The following SPI1 variants were observed in gnomAD, a reference collection of about 807,000 sequenced individuals.
The protein encoded by SPI1 is Spi-1 proto-oncogene.
In SPI1, 3 loss-of-function variants were observed where a neutral mutation model predicts 30.7. The ratio of observed to expected loss-of-function variants is 0.10; its 90% CI spans 0.04 to 0.25. The LOEUF (loss-of-function observed/expected upper bound fraction) is 0.25. Among genes scored for constraint, SPI1 ranks in the 10% least tolerant of loss-of-function variants. The probability of loss-of-function intolerance (pLI) is 1.00; values close to 1 mark genes in which losing one functional copy is unlikely to be tolerated. For missense variants in SPI1, 261 were observed against 371.5 expected (o/e 0.70, Z 2.45); for synonymous variants, 169 against 157.1 (o/e 1.08, Z -0.56).
chr11:47,358,977 C>T lies in SPI1; in HGVS notation c.360G>A (p.Gln120=). 4 of 1,538,062 alleles carry T rather than the reference C, an allele frequency of 2.6e-6. No homozygotes were observed. The highest frequency in any genetic ancestry group is 3.5e-6 in the Non-Finnish European group (4 of 1,143,036). The change falls in exon 4 of 5, where the codon CAG becomes CAA. Residue 120 remains glutamine, a synonymous_variant. Transcript: ENST00000378538. ...QVSYLPRMCL[Q]YPSLSPAQPS... Reference sequence around the variant, plus strand: ...GCTGGGCTGGGGACAGGGATGGGTACTGGAGGCACATCCGGGGCAGGTAGG... The same window carrying T: ...GCTGGGCTGGGGACAGGGATGGGTATTGGAGGCACATCCGGGGCAGGTAGG...
At chr11:47,368,542 C>G (rs899702695) in intron 2 of SPI1, among the ~76,000 whole-genome samples, 1 of 152,186 alleles carries the variant, frequency 6.6e-6, no homozygotes, top group Non-Finnish European at 1.5e-5. Context: ...GTGGCACATG[C>G]GCAAAACGTG....
chr11:47,366,887 G>A (rs1002816271), intron 2 of SPI1, among the ~76,000 whole-genome samples: 13 of 151,618 alleles, frequency 8.6e-5, no homozygotes, highest in South Asian at 2.1e-4. Context: ...TGAAGGTTTC[G>A]GGGCACTTGT....
intron 2 of SPI1, among the ~76,000 whole-genome samples, chr11:47,363,945 A>G (rs1261318526): frequency 1.6e-5 from 2 of 125,050 alleles, no homozygotes; most frequent in African/African-American, 6.2e-5. Context: ...CCTGGGCAAT[A>G]GAGCCAGACT....
chr11:47,375,616 G>A lies in SPI1; in HGVS notation c.142+17C>T, dbSNP rs374709586. ...GGCTGGGCTGGGGGATGGGGGCGTGGCAGGCCCCGTACTCACCGCTATGGC... is the reference window on the plus strand; with the variant it reads ...GGCTGGGCTGGGGGATGGGGGCGTGACAGGCCCCGTACTCACCGCTATGGC... On this transcript the variant is annotated intron_variant, in intron 2 of 4. Coordinates refer to ENST00000378538, the MANE Select transcript of SPI1 (RefSeq NM_003120.3). This position sits in a 1 kb window ranked among gnomAD's most constrained non-coding sequence, Gnocchi z 4.2. The A allele has an allele frequency of 3.1e-6, 5 of 1,600,104 alleles. No homozygotes were observed. Among genetic ancestry groups the A allele is most frequent in the East Asian group, 2.2e-5 (1 of 44,802 alleles).
chr11:47,359,133 T>C lies in SPI1; in HGVS notation c.331-127A>G. On this transcript the variant is annotated intron_variant, in intron 3 of 4. Transcript: ENST00000378538. This position sits in a 1 kb window ranked among gnomAD's most constrained non-coding sequence, Gnocchi z 5.1. Reference sequence around the variant, plus strand: ...GGGGACAATGGCAGGCACAGGAGACTGGAGGAAGAAGACCAGGGAAAAGGG... The same window carrying C: ...GGGGACAATGGCAGGCACAGGAGACCGGAGGAAGAAGACCAGGGAAAAGGG... The C allele has an allele frequency of 1.5e-6, 1 of 648,960 alleles. No individual in the cohort carries two copies. The highest frequency in any genetic ancestry group is 2.2e-5 in the South Asian group (1 of 45,168). The allele number at this position is 648,960 out of a possible 1,614,324, so 40.2% of individuals were successfully genotyped here.
rs1436543048 is a variant in SPI1, at chr11:47,359,984, C to T, written c.199G>A (p.Glu67Lys). 4 of 1,606,432 alleles carry T rather than the reference C, an allele frequency of 2.5e-6. No homozygotes were observed. Among genetic ancestry groups the T allele is most frequent in the Admixed American group, 1.7e-5 (1 of 59,440 alleles). Reference sequence around the variant, plus strand: ...CTCTGGAGCTCCGTGAAGTTGTTCTCGGCGAAGCTCTCGAACTCGCTGTGC... The same window carrying T: ...CTCTGGAGCTCCGTGAAGTTGTTCTTGGCGAAGCTCTCGAACTCGCTGTGC... ...HVHSEFESFA[E>K]NNFTELQSVQ... Residue 67 changes from glutamate to lysine, a missense_variant, in exon 3 of 5, where the codon GAG becomes AAG. Around this residue, in one of 5 missense-constraint regions of SPI1, gnomAD observed 78 missense variants for 93.2 expected, o/e 0.84. Transcript: ENST00000378538. This position sits in a 1 kb window ranked among gnomAD's most constrained non-coding sequence, Gnocchi z 5.1.
At position 47,376,968 on chromosome 11, in the gene SPI1, AGACAGT is replaced by A. The variant is rs149739130; in HGVS notation, c.46-1245_46-1240del. ...TCAGAATTGAGAGGTCAGGGATCAG[AGACAGT>A]GGGCCTGTGGCTTTCTTGAGGCAGA... is the stretch of plus-strand genomic sequence containing the variant. On this transcript the variant is annotated intron_variant, in intron 1 of 4. Coordinates refer to ENST00000378538, the MANE Select transcript of SPI1 (RefSeq NM_003120.3). 6.0e-3 allele frequency among the ~76,000 whole-genome samples: 907 copies of A among 152,298 alleles called. 10 individuals carry two copies. The highest frequency in any genetic ancestry group is 0.021 in the African/African-American group (871 of 41,560).
chr11:47,356,196 C>T (rs922258609), intron 4 of SPI1, among the ~76,000 whole-genome samples: 22 of 151,626 alleles, frequency 1.5e-4, no homozygotes, highest in Non-Finnish European at 2.9e-4. Context: ...ACACAATGCA[C>T]CAGCTCACAC....
intron 2 of SPI1, among the ~76,000 whole-genome samples, chr11:47,368,312 C>T (rs1015825446): frequency 2.1e-4 from 32 of 152,264 alleles, no homozygotes; most frequent in African/African-American, 7.2e-4. Context: ...TTGCAGTCAG[C>T]TGAGATCGTA....
rs562718862 is a variant in SPI1 at position 47,374,813 on chromosome 11, C to T, written c.142+820G>A. 5.4e-4 allele frequency among the ~76,000 whole-genome samples: 83 copies of T among 152,358 alleles called. No individual in the cohort carries two copies. Among genetic ancestry groups the T allele is most frequent in the African/African-American group, 1.6e-3 (65 of 41,588 alleles). ...CCCATCCCCTGAATTTGCTCCAGGACGGAGGCTGGGCTATGGGGCAGACAG... is the reference window on the plus strand; with the variant it reads ...CCCATCCCCTGAATTTGCTCCAGGATGGAGGCTGGGCTATGGGGCAGACAG... On this transcript the variant is annotated intron_variant, in intron 2 of 4. Transcript: ENST00000378538. This position sits in a 1 kb window ranked among gnomAD's most constrained non-coding sequence, Gnocchi z 4.5.
chr11:47,356,853 C>A (rs986680073), intron 4 of SPI1, among the ~76,000 whole-genome samples: 7 of 151,504 alleles, frequency 4.6e-5, no homozygotes, highest in East Asian at 1.9e-4. Flanking sequence ...CACGCACACA[C>A]CTGCTCACAC....
At chr11:47,367,945 G>C (rs2095930764) in intron 2 of SPI1, among the ~76,000 whole-genome samples, 1 of 151,878 alleles carries the variant, frequency 6.6e-6, no homozygotes, top group African/African-American at 2.4e-5. Flanking sequence ...TTTTAGTAGA[G>C]ATGGGGTTTC....
Position 47,358,928 on chromosome 11 carries a change from C to T in SPI1, c.409G>A (p.Glu137Lys), listed in dbSNP as rs757210500. ...ACCTCCAGTGGGGGGCTCTGCCGCT[C>T]GCCCTCCTCCTCATCTGAGCTGGGC... ...AQPSSDEEEG[E>K]RQSPPLEVSD... is the part of the protein sequence containing the mutation. Residue 137 changes from glutamate to lysine, a missense_variant, in exon 4 of 5, where the codon GAG (glutamate) becomes AAG (lysine). This residue lies in a region of SPI1 where 106 missense variants were observed against 102.0 expected (regional missense o/e 1.04). Coordinates refer to ENST00000378538, the MANE Select transcript of SPI1 (RefSeq NM_003120.3). 2.6e-5 allele frequency: 41 copies of T among 1,563,980 alleles called. No homozygotes were observed. The East Asian group carries it at 3.0e-4, about 11-fold the overall frequency.
intron 4 of SPI1, among the ~76,000 whole-genome samples, chr11:47,355,834 C>T (rs1265142708): frequency 6.8e-6 from 1 of 146,642 alleles, no homozygotes; most frequent in Non-Finnish European, 1.5e-5. Flanking sequence ...CACATGCTCA[C>T]ATCCACATAA....
At chr11:47,358,681 G>A in intron 4 of SPI1, 163 bp downstream of exon 4, 1 of 755,968 alleles carries the variant, frequency 1.3e-6, no homozygotes, top group Admixed American at 2.0e-5. Context: ...CACACACAGA[G>A]ACAGCCACAG....
At chr11:47,360,884 G>A (rs1311130533) in intron 2 of SPI1, among the ~76,000 whole-genome samples, 2 of 151,028 alleles carry the variant, frequency 1.3e-5, no homozygotes, top group Non-Finnish European at 2.9e-5. Context: ...CACTTTGGGA[G>A]GCCGAGGTGG....
intron 2 of SPI1, among the ~76,000 whole-genome samples, chr11:47,363,230 G>A (rs1264613322): frequency 6.6e-6 from 1 of 152,174 alleles, no homozygotes; most frequent in African/African-American, 2.4e-5. Context: ...AAATAAAAAT[G>A]TCTTTCTAGG....
At chr11:47,361,100 G>A (rs1018575593) in intron 2 of SPI1, among the ~76,000 whole-genome samples, 19 of 152,050 alleles carry the variant, frequency 1.2e-4, no homozygotes, top group African/African-American at 4.1e-4. Context: ...CAGCCTGGGC[G>A]ACGGAGCGAG....
At chr11:47,358,204 CACTT>C (rs1376295733) in intron 4 of SPI1, 6 of 292,746 alleles carry the variant, frequency 2.0e-5, no homozygotes, top group South Asian at 4.0e-5. Context: ...CATTCACACA[CACTT>C]ATATCACACA....
Sources: allele counts gnomAD v4.1 joint callset (sites outside exome capture counted in the v4.1 genomes callset), GRCh38; gene constraint gnomAD v4.1.1; regional missense constraint gnomAD v4.1.1; non-coding constraint Gnocchi (gnomAD v3.1); transcripts MANE v1.5; gene names NCBI Gene and HGNC (gene_info 2026-07-23, HGNC 2026-07-21).